Variants in ZFHX3 observed in about 807,000 individuals in gnomAD.
ZFHX3 encodes the protein zinc finger homeobox protein 3.
A neutral mutation model predicts 279.1 loss-of-function variants in ZFHX3; 42 were observed. The ratio of observed to expected loss-of-function variants is 0.15; its 90% confidence interval spans 0.12 to 0.19. ZFHX3 has a LOEUF of 0.19. Among genes scored for constraint, ZFHX3 ranks in the 10% least tolerant of loss-of-function variants. The probability of loss-of-function intolerance (pLI) is 1.00; values close to 1 mark genes in which losing one functional copy is unlikely to be tolerated. For missense variants in ZFHX3, 4,981 were observed against 4,754.0 expected, an observed-to-expected ratio of 1.05 and a Z score of -1.40; for synonymous variants, 2,293 against 1,957.8, an observed-to-expected ratio of 1.17 and a Z score of -4.52.
chr16:73,314,577 C>A (rs538387637), intron 4 of ZFHX3, among the ~76,000 whole-genome samples: 2 of 152,260 alleles, frequency 1.3e-5, no homozygotes, highest in East Asian at 3.9e-4. Context: ...TCCTTCCTCT[C>A]AACTGCTGTG....
At chr16:73,551,429 T>G (rs2020203126) in intron 2 of ZFHX3, among the ~76,000 whole-genome samples, 3 of 152,214 alleles carry the variant, frequency 2.0e-5, no homozygotes, top group Admixed American at 2.0e-4. Context: ...ATTAAAAAGA[T>G]AATCTAGTTA....
At chr16:72,843,513 T>TTA (rs2037399883) in intron 4 of ZFHX3, among the ~76,000 whole-genome samples, 1 of 39,446 alleles carries the variant, frequency 2.5e-5, no homozygotes, top group Admixed American at 2.7e-4. Flanking sequence ...AGACTCCGTC[T>TTA]AAAAAAAAAA....
In ZFHX3 at chr16:72,959,497, T is replaced by A; in HGVS notation, c.649A>T (p.Asn217Tyr). 1 of 1,614,246 alleles carries A rather than the reference T, an allele frequency of 6.2e-7. No homozygotes were observed. Among genetic ancestry groups the A allele is most frequent in the Non-Finnish European group, 8.5e-7 (1 of 1,180,042 alleles). The change falls in exon 2 of 10, where the codon AAT becomes TAT. Residue 217 changes from asparagine (N) to tyrosine (Y), a missense_variant. Transcript: ENST00000268489. ...CTGAGCCCCGCCAGGGCTGAGGTAT[T>A]CGGGAAAGCCTGGTCTGGGCCCTCA... ...WFEGPDQAFP[N>Y]TSALAGLSPV...
chr16:73,033,398 T>A (rs1463449792), intron 1 of ZFHX3, among the ~76,000 whole-genome samples: 1 of 151,872 alleles, frequency 6.6e-6, no homozygotes, highest in Non-Finnish European at 1.5e-5. Context: ...GCTGAGCAGC[T>A]CCCCCGCCGC....
intron 3 of ZFHX3, among the ~76,000 whole-genome samples, chr16:73,372,803 C>T (rs1226167233): frequency 2.0e-5 from 3 of 151,996 alleles, no homozygotes; most frequent in Non-Finnish European, 2.9e-5. Flanking sequence ...TTAGTAGGAC[C>T]GACACAAAAC....
chr16:72,901,590 T>G lies in ZFHX3; in HGVS notation c.3217-11628A>C, dbSNP rs775011886. ...GAAAAACTCCCTCTAAATCAACACT[T>G]CTGGCGTCGATCACTCTGGCTGATG... On this transcript the variant is annotated intron_variant, in intron 3 of 9. Coordinates refer to ENST00000268489, the MANE Select transcript of ZFHX3 (RefSeq NM_006885.4). 6.6e-5 allele frequency among the ~76,000 whole-genome samples: 10 copies of G among 152,260 alleles called. No homozygotes were observed. The Middle Eastern group carries it at 0.01, about 155-fold the overall frequency.
At chr16:73,775,763 G>T (rs1959228596) in intron 1 of ZFHX3, among the ~76,000 whole-genome samples, 1 of 152,192 alleles carries the variant, frequency 6.6e-6, no homozygotes, top group Non-Finnish European at 1.5e-5. Flanking sequence ...TAAGGCAGGT[G>T]TAGGGGCTTT....
chr16:73,027,989 G>A (rs185758656), intron 1 of ZFHX3, among the ~76,000 whole-genome samples: 9 of 152,102 alleles, frequency 5.9e-5, no homozygotes, highest in East Asian at 3.9e-4. Flanking sequence ...CAGCACAGAC[G>A]CCTCCCAGAG....
rs10709712 is a variant in ZFHX3, at chr16:73,010,024, G to GAAAAAAAAAAA, written c.-50+37717_-50+37727dup. ...TTACAGAGCGAGACTCCCTCTCAAA[G>GAAAAAAAAAAA]AAAAAAAAAAAAAAAAAAACTCATA... On this transcript the variant is annotated intron_variant, in intron 1 of 9. Coordinates refer to ENST00000268489, the MANE Select transcript of ZFHX3 (RefSeq NM_006885.4). Among the ~76,000 whole-genome samples, 116 of 84,634 alleles carry GAAAAAAAAAAA rather than the reference G, an allele frequency of 1.4e-3. 3 individuals carry two copies. The highest frequency in any genetic ancestry group is 2.1e-3 in the Non-Finnish European group (83 of 38,972). 55.5% of individuals were successfully genotyped at this position (84,634 alleles called of 152,430 possible).
At chr16:72,901,749 G>C (rs1157587400) in intron 3 of ZFHX3, among the ~76,000 whole-genome samples, 1 of 152,210 alleles carries the variant, frequency 6.6e-6, no homozygotes, top group Non-Finnish European at 1.5e-5. Context: ...AGAAGAGTCT[G>C]CTTCAAGAGG....
chr16:73,337,084 T>C (rs966672917), intron 3 of ZFHX3, among the ~76,000 whole-genome samples: 1 of 152,172 alleles, frequency 6.6e-6, no homozygotes, highest in Non-Finnish European at 1.5e-5. Flanking sequence ...TAAAAGACCA[T>C]TAGACTCAAT....
chr16:72,985,272 A>G (rs1227213070), intron 1 of ZFHX3, among the ~76,000 whole-genome samples: 1 of 152,230 alleles, frequency 6.6e-6, no homozygotes, highest in Non-Finnish European at 1.5e-5. Context: ...CTCAGGCGCC[A>G]CCGACATCTC....
At chr16:73,223,720 G>T (rs2012498601) in intron 5 of ZFHX3, among the ~76,000 whole-genome samples, 1 of 152,128 alleles carries the variant, frequency 6.6e-6, no homozygotes, top group Non-Finnish European at 1.5e-5. Flanking sequence ...CAAATGAGTT[G>T]AAAACTTATG....
chr16:73,009,613 C>T (rs887637708), intron 1 of ZFHX3, among the ~76,000 whole-genome samples: 1 of 152,096 alleles, frequency 6.6e-6, no homozygotes, highest in Non-Finnish European at 1.5e-5. Flanking sequence ...CAAACTTAGG[C>T]ATTCAGAATG....
rs80030035 is a variant in ZFHX3 at position 73,811,996 on chromosome 16, A to G, written c.-1608+79655T>C. On this transcript the variant is annotated intron_variant, in intron 1 of 17. Coordinates refer to the ZFHX3 transcript ENST00000641206. ...TCTCTTACTATCACCATTTGTGGAT[A>G]AGAAAACAGAGGCACGAAGAGATTA... is the stretch of plus-strand genomic sequence containing the variant. 6.8e-3 allele frequency among the ~76,000 whole-genome samples: 1,042 copies of G among 152,296 alleles called. 14 individuals are homozygous for G. The highest frequency in any genetic ancestry group is 0.023 in the African/African-American group (945 of 41,558).
At chr16:72,987,860 T>A (rs1962912228) in intron 1 of ZFHX3, among the ~76,000 whole-genome samples, 1 of 152,174 alleles carries the variant, frequency 6.6e-6, no homozygotes, top group Non-Finnish European at 1.5e-5. Flanking sequence ...CACCTGCTCC[T>A]AGGCAAAGTG....
At chr16:72,981,647 G>A (rs1288914623) in intron 1 of ZFHX3, among the ~76,000 whole-genome samples, 1 of 152,086 alleles carries the variant, frequency 6.6e-6, no homozygotes, top group African/African-American at 2.4e-5. Flanking sequence ...CGGCCCAGTG[G>A]TAAGTGGGCT....
chr16:73,787,672 G>T (rs1011062802), intron 1 of ZFHX3, among the ~76,000 whole-genome samples: 1 of 152,036 alleles, frequency 6.6e-6, no homozygotes, highest in Admixed American at 6.6e-5. Flanking sequence ...TAATTTCAGG[G>T]GCTTGCCGCC....
At chr16:73,043,739 C>A (rs1308541143) in intron 1 of ZFHX3, among the ~76,000 whole-genome samples, 1 of 152,228 alleles carries the variant, frequency 6.6e-6, no homozygotes, top group South Asian at 2.1e-4. Flanking sequence ...TTGCTCTGCA[C>A]CTCTGTCCTC....
Sources: gnomAD v4.1 joint callset for allele counts (sites outside exome capture counted in the v4.1 genomes callset) on GRCh38, gnomAD v4.1.1 for gene constraint, MANE v1.5 for transcripts, NCBI Gene and HGNC (gene_info 2026-07-23, HGNC 2026-07-21) for gene names.